Variants in PHF21A observed in about 807,000 individuals in gnomAD.
PHF21A encodes the protein BHC80a.
A neutral mutation model predicts 82.5 loss-of-function variants in PHF21A; 11 were observed. The observed-to-expected ratio is 0.13, with a 90% CI of 0.08 to 0.22. The LOEUF is 0.22. Among genes scored for constraint, PHF21A ranks in the 10% least tolerant of loss-of-function variants. PHF21A has a pLI of 1.00. For synonymous variants in PHF21A, 297 were observed against 302.8 expected (o/e 0.98, Z 0.20); for missense variants, 579 against 837.8 (o/e 0.69, Z 3.81).
In PHF21A at chr11:46,113,245, T is replaced by C. The variant is rs1566063218; in HGVS notation, c.-237+7690A>G. On this transcript the variant is annotated intron_variant, in intron 1 of 18. Transcript: ENST00000676320. ...GTTATCACAGCAAGTTTCAAGAAAG[T>C]CTGAACTATCTAGCACAATTTGACT... Among the ~76,000 whole-genome samples, 14 of 152,202 alleles carry C rather than the reference T, an allele frequency of 9.2e-5. No individual in the cohort carries two copies. In the South Asian group the frequency reaches 2.9e-3, roughly 32 times the overall value.
At chr11:45,935,863 C>T (rs888006867) in intron 17 of PHF21A, 124 bp from the exon 18 acceptor site, 4 of 622,844 alleles carry the variant, frequency 6.4e-6, no homozygotes, top group African/African-American at 3.7e-5. Flanking sequence ...GTCCTACAAC[C>T]CAGTGCAGAG....
intron 3 of PHF21A, among the ~76,000 whole-genome samples, chr11:46,087,784 C>T (rs1177623483): frequency 6.6e-6 from 1 of 152,120 alleles, no homozygotes; most frequent in Admixed American, 6.6e-5. Context: ...GAGATAGGGT[C>T]TTACTGTGTC....
chr11:46,102,789 T>C (rs930985055), intron 1 of PHF21A, among the ~76,000 whole-genome samples: 15 of 152,250 alleles, frequency 9.9e-5, no homozygotes, highest in Admixed American at 2.6e-4. Flanking sequence ...AAATTCCAGC[T>C]GAGGGCCCAA....
intron 10 of PHF21A, among the ~76,000 whole-genome samples, chr11:45,965,005 C>T (rs955363987): frequency 1.3e-5 from 2 of 152,140 alleles, no homozygotes; most frequent in Non-Finnish European, 2.9e-5. Flanking sequence ...CTGTTTACTA[C>T]CTCATCTGTG....
At chr11:46,109,752 C>G (rs1280485897) in intron 1 of PHF21A, among the ~76,000 whole-genome samples, 1 of 152,082 alleles carries the variant, frequency 6.6e-6, no homozygotes, top group African/African-American at 2.4e-5. Flanking sequence ...GAAGGTGAGG[C>G]AGGTGGATCA....
At chr11:45,946,134 G>A (rs1351955716) in intron 14 of PHF21A, 131 bp from the exon 15 acceptor site, 3 of 1,607,984 alleles carry the variant, frequency 1.9e-6, no homozygotes, top group South Asian at 1.1e-5. Context: ...GCAGACAGAA[G>A]GTTAATTCAA....
chr11:45,999,073 C>T (rs1025367275), intron 6 of PHF21A, among the ~76,000 whole-genome samples: 30 of 151,992 alleles, frequency 2.0e-4, no homozygotes, highest in Non-Finnish European at 2.8e-4. Context: ...GTGATCTGCC[C>T]GCCTCAGCCT....
chr11:46,049,347 T>G, intron 6 of PHF21A: 1 of 431,496 alleles, frequency 2.3e-6, no homozygotes, highest in East Asian at 7.2e-5. Flanking sequence ...AAATTTCTTA[T>G]GCCCTCACCA....
At chr11:46,030,186 G>C (rs2095836943) in intron 6 of PHF21A, among the ~76,000 whole-genome samples, 1 of 152,200 alleles carries the variant, frequency 6.6e-6, no homozygotes, top group African/African-American at 2.4e-5. Context: ...TGCAGGTTTA[G>C]AATCCCAGCC....
chr11:46,081,408 T>C (rs2135160917), intron 4 of PHF21A, among the ~76,000 whole-genome samples: 1 of 152,384 alleles, frequency 6.6e-6, no homozygotes, highest in African/African-American at 2.4e-5. Context: ...CTCTTGATTT[T>C]CCTTTTTGAT....
intron 11 of PHF21A, 45 bp downstream of exon 11, chr11:45,953,482 C>A: frequency 8.4e-7 from 1 of 1,194,884 alleles, no homozygotes; most frequent in Non-Finnish European, 1.3e-6. Context: ...TGAGAATAAA[C>A]CATACACCAT....
At chr11:46,111,250 C>A (rs1439249686) in intron 1 of PHF21A, among the ~76,000 whole-genome samples, 4 of 151,564 alleles carry the variant, frequency 2.6e-5, no homozygotes, top group African/African-American at 9.7e-5. Flanking sequence ...GGGCAGATCA[C>A]TTGAGGCCAA....
At chr11:46,022,767 G>T (rs1297344192) in intron 6 of PHF21A, among the ~76,000 whole-genome samples, 1 of 152,148 alleles carries the variant, frequency 6.6e-6, no homozygotes, top group Non-Finnish European at 1.5e-5. Flanking sequence ...ACTGTGCCCG[G>T]CTCATATACT....
intron 6 of PHF21A, among the ~76,000 whole-genome samples, chr11:46,040,929 ACACACG>A (rs1169094948): frequency 2.8e-4 from 35 of 122,820 alleles, no homozygotes; most frequent in African/African-American, 1.1e-3. Context: ...ACACACACAC[ACACACG>A]CACGCACAAT....
chr11:46,049,233 A>C lies in PHF21A; in HGVS notation c.153+27521T>G, dbSNP rs532404297. Among the ~76,000 whole-genome samples, 3 of 152,370 alleles carry C rather than the reference A, an allele frequency of 2.0e-5. No homozygotes were observed. The South Asian group carries it at 6.2e-4, about 32-fold the overall frequency. On this transcript the variant is annotated intron_variant, in intron 6 of 18. Coordinates refer to ENST00000676320, the MANE Select transcript of PHF21A (RefSeq NM_001352027.3). ...CCATCTCTAAGAGAAAGTAATACAG[A>C]ACTGTCAGAGCCAGGCTTTAAAAAG...
At chr11:46,074,422 G>A (rs1408651993) in intron 6 of PHF21A, among the ~76,000 whole-genome samples, 10 of 151,792 alleles carry the variant, frequency 6.6e-5, no homozygotes, top group African/African-American at 4.8e-5. Flanking sequence ...AAGGAAAATT[G>A]GTTAGGTTCT....
At chr11:46,028,694 C>T (rs987777501) in intron 6 of PHF21A, among the ~76,000 whole-genome samples, 33 of 151,766 alleles carry the variant, frequency 2.2e-4, no homozygotes, top group Non-Finnish European at 4.9e-4. Context: ...CTGCCTCAGC[C>T]TCCTGAGTAG....
At position 45,979,965 on chromosome 11, in the gene PHF21A, T is replaced by C. The variant is rs1297499784; in HGVS notation, c.155A>G (p.Lys52Arg). 9 of 1,613,960 alleles carry C rather than the reference T, an allele frequency of 5.6e-6. No homozygotes were observed. The Admixed American group carries it at 1.5e-4, about 27-fold the overall frequency. The change falls in exon 7 of 19, where the codon AAA becomes AGA. Residue 52 changes from lysine to arginine, a missense_variant and splice_region_variant. Lys to Arg is a conservative substitution (Grantham distance 26). This residue lies in a region of PHF21A where 410 missense variants were observed against 642.1 expected (regional missense o/e 0.64). Coordinates refer to ENST00000676320, the MANE Select transcript of PHF21A (RefSeq NM_001352027.3). ...AKITALSEKQ[K>R]RVVEQLRKNL... Reference sequence around the variant, plus strand: ...CTTCCGTAGCTGTTCAACTACTCTTTTCTACCAAATGAAGACAAAAAGAAA... The same window carrying C: ...CTTCCGTAGCTGTTCAACTACTCTTCTCTACCAAATGAAGACAAAAAGAAA...
chr11:46,099,560 A>ACACACACACACC (rs369043301), intron 1 of PHF21A, among the ~76,000 whole-genome samples: 6 of 145,952 alleles, frequency 4.1e-5, no homozygotes, highest in African/African-American at 1.2e-4. Context: ...ACACACACAC[A>ACACACACACACC]CACCCTAAAC....
Sources: allele counts gnomAD v4.1 joint callset (sites outside exome capture counted in the v4.1 genomes callset), GRCh38; gene constraint gnomAD v4.1.1; regional missense constraint gnomAD v4.1.1; transcripts MANE v1.5; gene names NCBI Gene and HGNC (gene_info 2026-07-23, HGNC 2026-07-21).